SLIT1: variants seen among roughly 807,000 people sequenced by gnomAD.
SLIT1 encodes slit homolog 1 protein.
Under a neutral mutation model 186.1 loss-of-function variants are expected in SLIT1, and 66 were observed. The observed-to-expected ratio is 0.35, with a 90% CI of 0.29 to 0.44. SLIT1 has a LOEUF of 0.44. Among genes scored for constraint, SLIT1 ranks in the 20% least tolerant of loss-of-function variants. SLIT1 has a pLI of 1.00. For missense variants in SLIT1, 1,638 were observed against 2,037.4 expected (o/e 0.80, Z 3.77); for synonymous variants, 761 against 833.8 (o/e 0.91, Z 1.50).
At chr10:97,063,414 GGC>G in intron 8 of SLIT1, 39 bp downstream of exon 8, 1 of 1,606,768 alleles carries the variant, frequency 6.2e-7, no homozygotes, top group Non-Finnish European at 8.5e-7. Flanking sequence ...CAGGGCAGGA[GGC>G]GCCGGACAGT....
chr10:97,129,865 A>T (rs1849637210), intron 4 of SLIT1, among the ~76,000 whole-genome samples: 1 of 152,098 alleles, frequency 6.6e-6, no homozygotes, highest in South Asian at 2.1e-4. Flanking sequence ...TTCACAGCCA[A>T]CACACACTCA....
intron 4 of SLIT1, among the ~76,000 whole-genome samples, chr10:97,075,931 C>A (rs1334958106): frequency 6.6e-6 from 1 of 152,126 alleles, no homozygotes; most frequent in Admixed American, 6.5e-5. Flanking sequence ...GGTGCCAACT[C>A]CTATTCTTTG....
rs371417161 is a variant in SLIT1, at chr10:97,004,871, G to A, written c.3580-48C>T. On this transcript the variant is annotated intron_variant, in intron 32 of 36. Transcript: ENST00000266058. This position sits in a 1 kb window ranked among gnomAD's most constrained non-coding sequence, Gnocchi z 5.1. ...CTCCCACCCCACCCCATGCAGCAGC[G>A]GCACAGGCTAGCAGATGGGGCAGAG... is the stretch of plus-strand genomic sequence containing the variant. 41 of 1,611,866 alleles carry A rather than the reference G, an allele frequency of 2.5e-5. No individual in the cohort carries two copies. The highest frequency in any genetic ancestry group is 2.2e-4 in the Admixed American group (13 of 59,932).
intron 4 of SLIT1, among the ~76,000 whole-genome samples, chr10:97,132,564 C>A (rs1286967064): frequency 6.6e-6 from 1 of 152,158 alleles, no homozygotes; most frequent in Non-Finnish European, 1.5e-5. Flanking sequence ...AGTCATCAGC[C>A]CATTGCCACC....
At chr10:97,052,848 C>T (rs1254515759) in intron 13 of SLIT1, among the ~76,000 whole-genome samples, 1 of 152,102 alleles carries the variant, frequency 6.6e-6, no homozygotes, top group Non-Finnish European at 1.5e-5. Flanking sequence ...CCTGATAGTA[C>T]CTTGGATTTC....
intron 1 of SLIT1, among the ~76,000 whole-genome samples, chr10:97,178,699 A>G (rs183806986): frequency 5.1e-4 from 77 of 152,286 alleles, no homozygotes; most frequent in South Asian, 2.1e-3. Context: ...ATTTAAAGGA[A>G]AAAAGTTTCA....
Position 97,004,845 on chromosome 10 carries a change from TCTCCCAC to T in SLIT1, c.3580-29_3580-23del. 1.2e-6 allele frequency: 2 copies of T among 1,613,904 alleles called. No individual in the cohort carries two copies. Among genetic ancestry groups the T allele is most frequent in the Non-Finnish European group, 1.7e-6 (2 of 1,179,910 alleles). On this transcript the variant is annotated intron_variant, in intron 32 of 36. Coordinates refer to ENST00000266058, the MANE Select transcript of SLIT1 (RefSeq NM_003061.3). The surrounding 1 kb of genome is among the most constrained non-coding windows in gnomAD (Gnocchi z 5.1). ...AGACCTGATGGGCAGTGGCACTTTC[TCTCCCAC>T]CCCACCCCATGCAGCAGCGGCACAG...
intron 4 of SLIT1, among the ~76,000 whole-genome samples, chr10:97,076,268 G>A (rs748369022): frequency 5.9e-5 from 9 of 152,156 alleles, no homozygotes; most frequent in African/African-American, 1.2e-4. Flanking sequence ...CCCAGCCCTG[G>A]CTCCCTGCTC....
At chr10:97,152,574 A>G (rs1331916597) in intron 4 of SLIT1, among the ~76,000 whole-genome samples, 1 of 152,220 alleles carries the variant, frequency 6.6e-6, no homozygotes, top group Non-Finnish European at 1.5e-5. Flanking sequence ...CTCACAGAAG[A>G]GCAAACAGGC....
At chr10:97,137,452 T>C (rs1402600424) in intron 4 of SLIT1, among the ~76,000 whole-genome samples, 1 of 152,240 alleles carries the variant, frequency 6.6e-6, no homozygotes, top group African/African-American at 2.4e-5. Flanking sequence ...AATGTAATTG[T>C]TTTATTTTGT....
At chr10:97,057,161 G>C (rs1848848053) in intron 12 of SLIT1, 49 bp downstream of exon 12, 16 of 1,473,600 alleles carry the variant, frequency 1.1e-5, no homozygotes, top group Non-Finnish European at 1.5e-5. Flanking sequence ...CCAGAGGAAA[G>C]CTGGCCCTTC....
At chr10:97,078,637 G>A (rs1006094174) in intron 4 of SLIT1, among the ~76,000 whole-genome samples, 2 of 145,114 alleles carry the variant, frequency 1.4e-5, no homozygotes, top group South Asian at 2.1e-4. Context: ...GGGGCACACA[G>A]AAGACACAAC....
At chr10:97,064,048 G>C (rs1848920176) in intron 7 of SLIT1, 120 bp downstream of exon 7, 2 of 824,440 alleles carry the variant, frequency 2.4e-6, no homozygotes, top group Non-Finnish European at 4.0e-6. Flanking sequence ...CTGGCCTCTG[G>C]GGGTCTGAGG....
At chr10:97,116,364 T>G (rs1363814331) in intron 4 of SLIT1, among the ~76,000 whole-genome samples, 1 of 152,142 alleles carries the variant, frequency 6.6e-6, no homozygotes, top group Non-Finnish European at 1.5e-5. Context: ...ACTGCAAGGA[T>G]TCCAGGTTCT....
Position 97,006,436 on chromosome 10 carries a change from C to T in SLIT1, c.3579+47G>A, listed in dbSNP as rs774020278. On this transcript the variant is annotated intron_variant, in intron 32 of 36. Coordinates refer to ENST00000266058, the MANE Select transcript of SLIT1 (RefSeq NM_003061.3). This position sits in a 1 kb window ranked among gnomAD's most constrained non-coding sequence, Gnocchi z 4.0. The stretch of plus-strand genomic sequence containing the variant: ...CTGATGCTCTGGCCTAAGCCAGGGT[C>T]GCCTGCTCCCTGACTCCCCTCTGTG... 1.9e-5 allele frequency: 26 copies of T among 1,358,846 alleles called. No homozygotes were observed. Among genetic ancestry groups the T allele is most frequent in the African/African-American group, 2.9e-5 (2 of 70,044 alleles). 84.2% of individuals were successfully genotyped at this position (1,358,846 alleles called of 1,614,324 possible).
Position 97,106,952 on chromosome 10 carries a change from G to A in SLIT1, c.414-40866C>T, listed in dbSNP as rs150821069. On this transcript the variant is annotated intron_variant, in intron 4 of 36. Transcript: ENST00000266058. ...CCAGGACTGGGGAACCAGCGGAGGA[G>A]CAGCTGATAAATGTCAAGGCACACA... Among the ~76,000 whole-genome samples the A allele has an allele frequency of 2.6e-4, 39 of 152,366 alleles. No homozygotes were observed. In the East Asian group the frequency reaches 6.7e-3, roughly 26 times the overall value.
At chr10:97,052,646 C>CA (rs918163924) in intron 13 of SLIT1, among the ~76,000 whole-genome samples, 12 of 151,934 alleles carry the variant, frequency 7.9e-5, no homozygotes, top group African/African-American at 2.9e-4. Flanking sequence ...AGAGCTGTTT[C>CA]TTTTTTTTAA....
chr10:97,102,190 G>C (rs1849363263), intron 4 of SLIT1: 1 of 152,198 alleles, frequency 6.6e-6, no homozygotes, highest in Admixed American at 6.5e-5. Flanking sequence ...GGGAGGCTGA[G>C]GCAGGTAGAT....
intron 4 of SLIT1, among the ~76,000 whole-genome samples, chr10:97,095,642 T>C (rs1028045796): frequency 2.6e-5 from 4 of 152,188 alleles, no homozygotes; most frequent in African/African-American, 7.2e-5. Flanking sequence ...AAAGCCACCA[T>C]ACTGCAGCAG....
Sources: allele counts gnomAD v4.1 joint callset (sites outside exome capture counted in the v4.1 genomes callset), GRCh38; gene constraint gnomAD v4.1.1; non-coding constraint Gnocchi (gnomAD v3.1); transcripts MANE v1.5; gene names NCBI Gene and HGNC (gene_info 2026-07-23, HGNC 2026-07-21).